DISP1: variants seen among roughly 807,000 people sequenced by gnomAD.
DISP1 encodes protein dispatched homolog 1.
In DISP1, 30 loss-of-function variants were observed where a neutral mutation model predicts 37.3. The ratio of observed to expected loss-of-function variants is 0.80; its 90% confidence interval spans 0.60 to 1.09. The LOEUF (loss-of-function observed/expected upper bound fraction) is 1.09. Among genes scored for constraint, DISP1 ranks in the 50% least tolerant of loss-of-function variants. The pLI is 0.00. For missense variants in DISP1, 1,598 were observed against 1,879.5 expected, an observed-to-expected ratio of 0.85 and a Z score of 2.77; for synonymous variants, 634 against 690.2, an observed-to-expected ratio of 0.92 and a Z score of 1.28.
At chr1:222,970,223 C>T (rs1317821074) in intron 3 of DISP1, among the ~76,000 whole-genome samples, 1 of 150,508 alleles carries the variant, frequency 6.6e-6, no homozygotes, top group Non-Finnish European at 1.5e-5. Flanking sequence ...TGACATGCAC[C>T]AGCACGGATG....
In DISP1 at chr1:223,004,908, C is replaced by T; in HGVS notation, c.3511C>T (p.His1171Tyr). ...CAGTGACAAGGGACAAAGCAAAACA[C>T]ATACCATAAATGCTTATCATTTAGA... Reference protein sequence around the residue: ...SPSDKGQSKTHTINAYHLDPR... With the variant: ...SPSDKGQSKTYTINAYHLDPR... Residue 1171 changes from histidine (H) to tyrosine (Y), a missense_variant, in exon 9 of 9, where the codon CAT (histidine) becomes TAT (tyrosine). Physicochemically the swap from His to Tyr is moderately conservative, Grantham distance 83. Transcript: ENST00000675850. This position sits in a 1 kb window ranked among gnomAD's most constrained non-coding sequence, Gnocchi z 4.9. The T allele has an allele frequency of 6.2e-7, 1 of 1,610,694 alleles. No individual in the cohort carries two copies.
chr1:222,841,142 T>C (rs2125290173), intron 1 of DISP1, among the ~76,000 whole-genome samples: 1 of 152,354 alleles, frequency 6.6e-6, no homozygotes, highest in Non-Finnish European at 1.5e-5. Flanking sequence ...TGCTAATTAG[T>C]GTAGTACATA....
In DISP1 at chr1:223,002,835, G is replaced by A. The variant is rs1299518659; in HGVS notation, c.1438G>A (p.Gly480Ser). 11 of 1,613,794 alleles carry A rather than the reference G, an allele frequency of 6.8e-6. No homozygotes were observed. The highest frequency in any genetic ancestry group is 3.3e-5 in the Admixed American group (2 of 59,992). The change falls in exon 9 of 9, where the codon GGC (glycine) becomes AGC (serine). Residue 480 changes from glycine (G) to serine (S), a missense_variant. Physicochemically the swap from Gly to Ser is moderately conservative, Grantham distance 56. Transcript: ENST00000675850. ...DNFENWNSSD[G>S]VTTITGIEFG... The stretch of plus-strand genomic sequence containing the variant: ...CTTTGAAAACTGGAACTCTTCTGAC[G>A]GCGTGACTACCATCACCGGGATTGA...
Position 223,004,010 on chromosome 1 carries a change from C to A in DISP1, c.2613C>A (p.Tyr871Ter). 4 of 1,614,076 alleles carry A rather than the reference C, an allele frequency of 2.5e-6. No individual in the cohort carries two copies. The highest frequency in any genetic ancestry group is 3.4e-6 in the Non-Finnish European group (4 of 1,180,018). ...AGGACTGTGATGAGCCTGCCCTGTA[C>A]CCATGCTGCAGCCACTGGAGCTTCC... ...ENQDCDEPAL[Y>*]PCCSHWSFPY... is the part of the protein sequence containing the mutation. The change falls in exon 9 of 9, where the codon TAC (tyrosine) becomes TAA (stop). Residue 871 changes from tyrosine to a stop codon, truncating the protein, a stop_gained. Coordinates refer to ENST00000675850, the MANE Select transcript of DISP1 (RefSeq NM_001377229.1). LOFTEE classifies it low-confidence loss of function (END_TRUNC). This position sits in a 1 kb window ranked among gnomAD's most constrained non-coding sequence, Gnocchi z 4.9.
chr1:222,839,101 G>A (rs1303359975), intron 1 of DISP1, among the ~76,000 whole-genome samples: 2 of 152,172 alleles, frequency 1.3e-5, no homozygotes, highest in East Asian at 3.9e-4. Context: ...ATCTATAGCA[G>A]GGGTCCCCAA....
chr1:222,856,042 T>G (rs972465620), intron 1 of DISP1, among the ~76,000 whole-genome samples: 3 of 152,178 alleles, frequency 2.0e-5, no homozygotes, highest in Non-Finnish European at 4.4e-5. Flanking sequence ...AGCTCCAGGG[T>G]GTGAATATTT....
chr1:222,956,006 G>A (rs1261565250), intron 3 of DISP1, among the ~76,000 whole-genome samples: 2 of 152,212 alleles, frequency 1.3e-5, no homozygotes, highest in Non-Finnish European at 2.9e-5. Flanking sequence ...CAAGCCTAAT[G>A]CTTTCTACAG....
intron 1 of DISP1, among the ~76,000 whole-genome samples, chr1:222,876,076 G>C (rs1456815353): frequency 1.3e-5 from 2 of 152,098 alleles, no homozygotes; most frequent in African/African-American, 4.8e-5. Context: ...GGTAATAACA[G>C]TATCTGCCTC....
Position 223,005,603 on chromosome 1 carries a change from A to C in DISP1, c.4206A>C (p.Leu1402Phe), listed in dbSNP as rs1418528461. The change falls in exon 9 of 9, where the codon TTA becomes TTC. Residue 1402 changes from leucine (L) to phenylalanine (F), a missense_variant. Leu to Phe is a conservative substitution (Grantham distance 22). Transcript: ENST00000675850. Reference sequence around the variant, plus strand: ...TTGTCTGCAGAAGCACTGGATCGTTACTCAAAACGTGTTGCGACCCCGAGA... The same window carrying C: ...TTGTCTGCAGAAGCACTGGATCGTTCCTCAAAACGTGTTGCGACCCCGAGA... Reference protein sequence around the residue: ...SSFVCRSTGSLLKTCCDPENK... With the variant: ...SSFVCRSTGSFLKTCCDPENK... The C allele has an allele frequency of 6.2e-7, 1 of 1,611,614 alleles. No individual in the cohort carries two copies. The highest frequency in any genetic ancestry group is 1.1e-5 in the South Asian group (1 of 90,980).
intron 3 of DISP1, among the ~76,000 whole-genome samples, chr1:222,971,077 T>C (rs1676910684): frequency 6.6e-6 from 1 of 152,172 alleles, no homozygotes; most frequent in African/African-American, 2.4e-5. Flanking sequence ...AAGAAAACCT[T>C]CTAAATCAGT....
chr1:222,954,945 G>A (rs1286990985), intron 3 of DISP1, among the ~76,000 whole-genome samples: 4 of 152,034 alleles, frequency 2.6e-5, no homozygotes. Context: ...GCAATAAGTG[G>A]TGGTGGGGTG....
chr1:222,849,197 A>T (rs979854591), intron 1 of DISP1, among the ~76,000 whole-genome samples: 4 of 152,190 alleles, frequency 2.6e-5, no homozygotes, highest in Non-Finnish European at 5.9e-5. Context: ...GATCAAATTA[A>T]TGCATTTTTA....
At position 222,994,966 on chromosome 1, in the gene DISP1, A is replaced by G; in HGVS notation, c.971A>G (p.Asn324Ser). ...WNLPAIKSMC[N>S]VDNSRIRSHP... ...TTACCTGCAATTAAATCAATGTGCA[A>G]TGTAGATAATTCCAGGGTATGTAAG... is the stretch of plus-strand genomic sequence containing the variant. The change falls in exon 8 of 9, where the codon AAT becomes AGT. Residue 324 changes from asparagine to serine, a missense_variant. Coordinates refer to ENST00000675850, the MANE Select transcript of DISP1 (RefSeq NM_001377229.1). 6.2e-7 allele frequency: 1 copy of G among 1,612,268 alleles called. No individual in the cohort carries two copies. Among genetic ancestry groups the G allele is most frequent in the East Asian group, 2.2e-5 (1 of 44,812 alleles).
At chr1:222,959,868 A>T (rs765360827) in intron 3 of DISP1, among the ~76,000 whole-genome samples, 1 of 152,032 alleles carries the variant, frequency 6.6e-6, no homozygotes, top group Non-Finnish European at 1.5e-5. Flanking sequence ...AAACCAACAA[A>T]GATCAAAAAA....
intron 1 of DISP1, among the ~76,000 whole-genome samples, chr1:222,860,907 G>A (rs962236333): frequency 6.6e-6 from 1 of 151,954 alleles, no homozygotes; most frequent in East Asian, 1.9e-4. Context: ...AAAAGAAAGT[G>A]ATTGCTAGAA....
At chr1:222,989,340 T>C in intron 4 of DISP1, 1 of 983,808 alleles carries the variant, frequency 1.0e-6, no homozygotes, top group Non-Finnish European at 1.2e-6. Context: ...TTTGTCTTGC[T>C]TTTCTTCTAA....
chr1:222,904,974 A>G (rs1671819677), intron 1 of DISP1, among the ~76,000 whole-genome samples: 1 of 152,212 alleles, frequency 6.6e-6, no homozygotes, highest in South Asian at 2.1e-4. Flanking sequence ...TCATGCTGCA[A>G]ATATGCATGC....
chr1:222,967,772 G>A lies in DISP1; in HGVS notation c.510-15308G>A, dbSNP rs141354166. Among the ~76,000 whole-genome samples the A allele has an allele frequency of 3.8e-3, 585 of 152,264 alleles. 4 individuals are homozygous for A. The highest frequency in any genetic ancestry group is 5.8e-3 in the Admixed American group (88 of 15,282). On this transcript the variant is annotated intron_variant, in intron 3 of 8. Coordinates refer to ENST00000675850, the MANE Select transcript of DISP1 (RefSeq NM_001377229.1). ...ATCTATATGCACAAGGAAAGCATAC[G>A]GGAGTCTTGGTGTTCATGCATTTGT... is the stretch of plus-strand genomic sequence containing the variant.
intron 1 of DISP1, among the ~76,000 whole-genome samples, chr1:222,915,415 A>T (rs1319856298): frequency 6.6e-6 from 1 of 152,174 alleles, no homozygotes; most frequent in Non-Finnish European, 1.5e-5. Flanking sequence ...TCCCATAGGG[A>T]TGGGAAGGAG....
Sources: allele counts gnomAD v4.1 joint callset (sites outside exome capture counted in the v4.1 genomes callset), GRCh38; gene constraint gnomAD v4.1.1; non-coding constraint Gnocchi (gnomAD v3.1); transcripts MANE v1.5; gene names NCBI Gene and HGNC (gene_info 2026-07-23, HGNC 2026-07-21).